SLC39A11: variants seen among roughly 807,000 people sequenced by gnomAD.
The protein encoded by SLC39A11 is zinc transporter ZIP11.
In SLC39A11, 33 loss-of-function variants were observed where a neutral mutation model predicts 36.1. That is an observed-to-expected ratio of 0.91 (90% CI 0.69 to 1.22). The LOEUF is 1.22. Among genes scored for constraint, SLC39A11 ranks in the 50% most tolerant of loss-of-function variants. The pLI is 0.00. For missense variants in SLC39A11, 432 were observed against 430.3 expected, an observed-to-expected ratio of 1.00 and a Z score of -0.03; for synonymous variants, 166 against 170.3, an observed-to-expected ratio of 0.97 and a Z score of 0.20.
At chr17:72,957,166 G>A (rs1387330457) in intron 4 of SLC39A11, among the ~76,000 whole-genome samples, 1 of 152,154 alleles carries the variant, frequency 6.6e-6, no homozygotes, top group Non-Finnish European at 1.5e-5. Flanking sequence ...CTACATCACA[G>A]AGGCCAAAGC....
intron 7 of SLC39A11, among the ~76,000 whole-genome samples, chr17:72,653,691 C>T (rs563953309): frequency 1.8e-4 from 28 of 152,236 alleles, no homozygotes; most frequent in African/African-American, 5.5e-4. Flanking sequence ...CTGCTCGACT[C>T]GGCCTCCCAA....
At chr17:73,071,374 T>C (rs2060157380) in intron 3 of SLC39A11, among the ~76,000 whole-genome samples, 1 of 152,220 alleles carries the variant, frequency 6.6e-6, no homozygotes, top group Admixed American at 6.5e-5. Flanking sequence ...ACACTTCACT[T>C]GCAAAGCCAG....
At chr17:73,023,991 C>T (rs1424561398) in intron 4 of SLC39A11, among the ~76,000 whole-genome samples, 1 of 152,252 alleles carries the variant, frequency 6.6e-6, no homozygotes, top group African/African-American at 2.4e-5. Flanking sequence ...TAGCCTTGGA[C>T]TTCCAGCCTC....
chr17:72,848,620 C>T (rs1266783167), intron 6 of SLC39A11, among the ~76,000 whole-genome samples: 2 of 151,834 alleles, frequency 1.3e-5, no homozygotes, highest in East Asian at 3.9e-4. Flanking sequence ...ACTCAAGAGG[C>T]TGTGGCAGGA....
At chr17:72,937,786 C>T (rs1266741988) in intron 5 of SLC39A11, among the ~76,000 whole-genome samples, 2 of 152,170 alleles carry the variant, frequency 1.3e-5, no homozygotes, top group Non-Finnish European at 2.9e-5. Context: ...TTGAGCAAAC[C>T]TCACCAAGGC....
At chr17:72,980,201 A>C (rs1234639889) in intron 4 of SLC39A11, among the ~76,000 whole-genome samples, 3 of 152,186 alleles carry the variant, frequency 2.0e-5, no homozygotes, top group Non-Finnish European at 2.9e-5. Context: ...TTGGTGGCTC[A>C]AGACAAAATT....
At chr17:72,994,311 C>T (rs903275427) in intron 4 of SLC39A11, among the ~76,000 whole-genome samples, 2 of 151,984 alleles carry the variant, frequency 1.3e-5, no homozygotes, top group Non-Finnish European at 2.9e-5. Context: ...ATGAAAGAAG[C>T]AAAATACACA....
intron 3 of SLC39A11, among the ~76,000 whole-genome samples, chr17:73,034,802 T>C (rs1487541923): frequency 6.6e-6 from 1 of 152,220 alleles, no homozygotes; most frequent in Non-Finnish European, 1.5e-5. Context: ...CCAACCTTTT[T>C]TCTGCCCTTA....
chr17:73,062,475 A>AAAAAAAAAAAAAAAAAAAAAAACAAAAC (rs56021607), intron 3 of SLC39A11, among the ~76,000 whole-genome samples: 3 of 87,034 alleles, frequency 3.4e-5, no homozygotes, highest in Admixed American at 1.5e-4. Flanking sequence ...AAAAAAAAAA[A>AAAAAAAAAAAAAAAAAAAAAAACAAAAC]AAACTTTAGG....
intron 4 of SLC39A11, among the ~76,000 whole-genome samples, chr17:73,004,637 G>A (rs1052905750): frequency 6.6e-6 from 1 of 152,230 alleles, no homozygotes; most frequent in African/African-American, 2.4e-5. Flanking sequence ...TTGCTCAGTG[G>A]GTAAAATAAG....
intron 4 of SLC39A11, among the ~76,000 whole-genome samples, chr17:73,016,607 T>C (rs2058176585): frequency 6.6e-6 from 1 of 152,194 alleles, no homozygotes; most frequent in Admixed American, 6.5e-5. Context: ...GTGCTGGTAT[T>C]ACAGGCGTGA....
chr17:72,732,200 AG>A (rs1316348269), intron 7 of SLC39A11, among the ~76,000 whole-genome samples: 5 of 151,296 alleles, frequency 3.3e-5, no homozygotes, highest in Non-Finnish European at 7.4e-5. Flanking sequence ...TATTTTTAGT[AG>A]GGATGGGAGG....
intron 4 of SLC39A11, among the ~76,000 whole-genome samples, chr17:72,948,243 C>T (rs1291105754): frequency 1.3e-5 from 2 of 150,332 alleles, no homozygotes; most frequent in African/African-American, 2.5e-5. Context: ...CTCACACACA[C>T]AAAACCCCAC....
intron 6 of SLC39A11, among the ~76,000 whole-genome samples, chr17:72,784,453 G>A (rs781335386): frequency 3.5e-4 from 54 of 152,192 alleles, no homozygotes; most frequent in Non-Finnish European, 6.6e-4. Flanking sequence ...TCAACGTAGT[G>A]CAGCATTACT....
At chr17:72,908,770 G>T (rs139295682) in intron 5 of SLC39A11, among the ~76,000 whole-genome samples, 1 of 152,290 alleles carries the variant, frequency 6.6e-6, no homozygotes, top group Non-Finnish European at 1.5e-5. Context: ...AAACTGCCAG[G>T]GTGGCAAATC....
chr17:72,985,946 A>G (rs1046162652), intron 4 of SLC39A11, among the ~76,000 whole-genome samples: 1 of 152,164 alleles, frequency 6.6e-6, no homozygotes, highest in Admixed American at 6.5e-5. Flanking sequence ...AGAGACAGGC[A>G]CACAAGGAAA....
chr17:72,689,756 C>T (rs1025172390), intron 7 of SLC39A11, among the ~76,000 whole-genome samples: 2 of 152,090 alleles, frequency 1.3e-5, no homozygotes, highest in South Asian at 2.1e-4. Flanking sequence ...TCCATAGCAA[C>T]GGTAGATGGA....
chr17:73,081,708 T>TATATATAC (rs1177331547), intron 3 of SLC39A11, among the ~76,000 whole-genome samples: 2 of 145,546 alleles, frequency 1.4e-5, no homozygotes, highest in Non-Finnish European at 3.0e-5. Flanking sequence ...TATGTATATA[T>TATATATAC]ATACACATAT....
chr17:72,918,614 C>T (rs2083462689), intron 5 of SLC39A11, among the ~76,000 whole-genome samples: 1 of 152,204 alleles, frequency 6.6e-6, no homozygotes, highest in Non-Finnish European at 1.5e-5. Flanking sequence ...GAAAGAATGT[C>T]CCTCTCAACT....
Sources: gnomAD v4.1 joint callset for allele counts (sites outside exome capture counted in the v4.1 genomes callset) on GRCh38, gnomAD v4.1.1 for gene constraint, MANE v1.5 for transcripts, NCBI Gene and HGNC (gene_info 2026-07-23, HGNC 2026-07-21) for gene names.